LRFN5: variants seen among roughly 807,000 people sequenced by gnomAD.
LRFN5 encodes leucine rich repeat and fibronectin type III domain containing 5.
Under a neutral mutation model 45.6 loss-of-function variants are expected in LRFN5, and 24 were observed. The observed-to-expected ratio is 0.53, with a 90% CI of 0.38 to 0.74. LRFN5 has a LOEUF of 0.74. Among genes scored for constraint, LRFN5 ranks in the 30% least tolerant of loss-of-function variants. The pLI is 0.00. For missense variants in LRFN5, 776 were observed against 861.5 expected, an observed-to-expected ratio of 0.90 and a Z score of 1.24; for synonymous variants, 340 against 313.8, an observed-to-expected ratio of 1.08 and a Z score of -0.88.
chr14:41,623,566 C>T (rs535884515), intron 1 of LRFN5, among the ~76,000 whole-genome samples: 24 of 152,016 alleles, frequency 1.6e-4, no homozygotes, highest in Non-Finnish European at 3.2e-4. Context: ...GGTTCAGTTG[C>T]TTGTGTATGC....
chr14:41,609,879 GCATTTCTATAGATATC>G (rs1464574598), intron 1 of LRFN5, among the ~76,000 whole-genome samples: 1 of 152,170 alleles, frequency 6.6e-6, no homozygotes. Flanking sequence ...CCCACTCGCT[GCATTTCTATAGATATC>G]CATATGATGG....
chr14:41,893,625 G>A, intron 4 of LRFN5: 3 of 985,296 alleles, frequency 3.0e-6, no homozygotes, highest in South Asian at 4.7e-5. Flanking sequence ...TCTGGTAGAA[G>A]CATATACAAC....
In LRFN5 at chr14:41,850,159, C is replaced by A. The variant is rs906462502; in HGVS notation, c.-20-36447C>A. ...AGTGCATGTATTATGTACATGTATA[C>A]TACTTGGAGCTGAACATGTATAGTA... On this transcript the variant is annotated intron_variant, in intron 2 of 5. Transcript: ENST00000298119. Among the ~76,000 whole-genome samples, 16 of 151,974 alleles carry A rather than the reference C, an allele frequency of 1.1e-4. No homozygotes were observed. The East Asian group carries it at 3.1e-3, about 29-fold the overall frequency.
At chr14:41,818,235 T>A (rs1298694884) in intron 2 of LRFN5, among the ~76,000 whole-genome samples, 1 of 152,042 alleles carries the variant, frequency 6.6e-6, no homozygotes, top group Non-Finnish European at 1.5e-5. Flanking sequence ...GGATAAATAC[T>A]TAACTGTATC....
At chr14:41,834,819 T>C (rs1403842673) in intron 2 of LRFN5, among the ~76,000 whole-genome samples, 1 of 151,960 alleles carries the variant, frequency 6.6e-6, no homozygotes, top group Non-Finnish European at 1.5e-5. Context: ...TGCACCACCA[T>C]ACCTGGCTAA....
chr14:41,613,407 G>A (rs746120613), intron 1 of LRFN5, among the ~76,000 whole-genome samples: 4 of 151,916 alleles, frequency 2.6e-5, no homozygotes, highest in East Asian at 1.9e-4. Context: ...AAACCTGCAC[G>A]TGTACCCCAG....
intron 2 of LRFN5, among the ~76,000 whole-genome samples, chr14:41,792,796 A>G (rs1021229070): frequency 2.0e-5 from 3 of 152,160 alleles, no homozygotes; most frequent in African/African-American, 7.2e-5. Flanking sequence ...AGGTAACACA[A>G]TTATCACAGT....
chr14:41,806,338 G>A (rs1487518650), intron 2 of LRFN5, among the ~76,000 whole-genome samples: 1 of 152,132 alleles, frequency 6.6e-6, no homozygotes, highest in African/African-American at 2.4e-5. Flanking sequence ...CCAGCCAAAG[G>A]CTTTATTGCT....
intron 1 of LRFN5, among the ~76,000 whole-genome samples, chr14:41,633,530 G>A (rs950888310): frequency 2.6e-5 from 4 of 152,124 alleles, no homozygotes; most frequent in African/African-American, 9.7e-5. Flanking sequence ...CCAGTGTTTA[G>A]TGAAACAATC....
chr14:41,853,161 A>G (rs1458170482), intron 2 of LRFN5, among the ~76,000 whole-genome samples: 4 of 151,908 alleles, frequency 2.6e-5, no homozygotes, highest in Non-Finnish European at 1.5e-5. Context: ...TCCATTAAAT[A>G]TTTTCGAAAT....
chr14:41,789,116 G>C (rs1886830157), intron 2 of LRFN5, among the ~76,000 whole-genome samples: 1 of 151,888 alleles, frequency 6.6e-6, no homozygotes, highest in African/African-American at 2.4e-5. Flanking sequence ...ATTCTAAATT[G>C]TGCCATTTAA....
intron 2 of LRFN5, among the ~76,000 whole-genome samples, chr14:41,771,727 T>C (rs1886097648): frequency 6.6e-6 from 1 of 152,154 alleles, no homozygotes; most frequent in Non-Finnish European, 1.5e-5. Flanking sequence ...TCCATATCTC[T>C]GTCCGCATTT....
chr14:41,889,042 CAT>C (rs1426891499), intron 3 of LRFN5, among the ~76,000 whole-genome samples: 33 of 145,058 alleles, frequency 2.3e-4, no homozygotes, highest in African/African-American at 8.0e-4. Context: ...TGTATATATA[CAT>C]GTGTGTATAT....
intron 1 of LRFN5, among the ~76,000 whole-genome samples, chr14:41,652,270 T>C (rs1880164368): frequency 6.6e-6 from 1 of 152,174 alleles, no homozygotes; most frequent in Non-Finnish European, 1.5e-5. Context: ...GTTGACAATA[T>C]TATATCATTT....
At chr14:41,886,123 G>C (rs1447762814) in intron 2 of LRFN5, among the ~76,000 whole-genome samples, 4 of 151,608 alleles carry the variant, frequency 2.6e-5, no homozygotes, top group African/African-American at 9.7e-5. Flanking sequence ...AGGTCATGCT[G>C]CAAGCTAACA....
chr14:41,744,938 A>C (rs555947157), intron 1 of LRFN5, among the ~76,000 whole-genome samples: 1 of 152,120 alleles, frequency 6.6e-6, no homozygotes, highest in African/African-American at 2.4e-5. Context: ...TCTACACAAT[A>C]GTTGGATACT....
intron 1 of LRFN5, among the ~76,000 whole-genome samples, chr14:41,724,031 G>A (rs958307345): frequency 6.6e-6 from 1 of 152,082 alleles, no homozygotes; most frequent in African/African-American, 2.4e-5. Flanking sequence ...TTCTCCCTTG[G>A]CCTCGAATTC....
chr14:41,843,776 A>G (rs1240912270), intron 2 of LRFN5, among the ~76,000 whole-genome samples: 2 of 152,208 alleles, frequency 1.3e-5, no homozygotes, highest in African/African-American at 2.4e-5. Context: ...GTAAGTAATC[A>G]CTTCATGAGC....
intron 2 of LRFN5, among the ~76,000 whole-genome samples, chr14:41,837,182 T>C (rs1888689920): frequency 9.5e-6 from 1 of 105,694 alleles, no homozygotes; most frequent in Non-Finnish European, 1.7e-5. Context: ...ATTATCTCTC[T>C]CACACACTCC....
Sources: gnomAD v4.1 joint callset for allele counts (sites outside exome capture counted in the v4.1 genomes callset) on GRCh38, gnomAD v4.1.1 for gene constraint, MANE v1.5 for transcripts, NCBI Gene and HGNC (gene_info 2026-07-23, HGNC 2026-07-21) for gene names.